The following HSD17B2 variants were observed in gnomAD, a reference collection of about 807,000 sequenced individuals.
HSD17B2 encodes the protein hydroxysteroid 17-beta dehydrogenase 2, also known as 17-beta-hydroxysteroid dehydrogenase type 2.
HSD17B2 carries 32 observed loss-of-function variants against 26.9 expected under a neutral mutation model. The observed-to-expected ratio is 1.19, with a 90% CI of 0.90 to 1.60. The LOEUF (loss-of-function observed/expected upper bound fraction) is 1.60. Ranked by LOEUF, HSD17B2 falls within the 40% of genes most tolerant of loss-of-function variation. The pLI is 0.00. For missense variants in HSD17B2, 613 were observed against 468.6 expected (o/e 1.31, Z -2.85); for synonymous variants, 246 against 186.7 (o/e 1.32, Z -2.59).
chr16:82,050,270 C>T (rs1406232827), intron 1 of HSD17B2, among the ~76,000 whole-genome samples: 1 of 152,090 alleles, frequency 6.6e-6, no homozygotes, highest in African/African-American at 2.4e-5. Flanking sequence ...CACTACCCAG[C>T]ATTCTGTAGT....
rs144145217 is a variant in HSD17B2 at position 82,098,433 on chromosome 16, C to T, written c.1161C>T (p.Thr387=). 2 of 1,593,992 alleles carry T rather than the reference C, an allele frequency of 1.3e-6. No individual in the cohort carries two copies. The highest frequency in any genetic ancestry group is 2.7e-5 in the African/African-American group (2 of 74,116). ...LRMPNYKKKA[T] is the part of the protein sequence containing the mutation. ...TGCCTAACTACAAGAAAAAGGCCAC[C>T]TAGGCAATGGAAGCCCTCAAAGAAG... Residue 387 remains threonine, a synonymous_variant, in exon 5 of 5, where the codon ACC becomes ACT. Transcript: ENST00000199936.
intron 3 of HSD17B2, among the ~76,000 whole-genome samples, chr16:82,072,733 A>G (rs1311252685): frequency 6.6e-6 from 1 of 152,170 alleles, no homozygotes; most frequent in Admixed American, 6.5e-5. Flanking sequence ...AAAAATGGAA[A>G]ATGGATTAAT....
At chr16:82,081,328 C>T (rs1402257519) in intron 3 of HSD17B2, among the ~76,000 whole-genome samples, 1 of 152,142 alleles carries the variant, frequency 6.6e-6, no homozygotes, top group Non-Finnish European at 1.5e-5. Flanking sequence ...GTCACTCATT[C>T]TCCTCTTCAA....
At chr16:82,050,340 C>T (rs942622890) in intron 1 of HSD17B2, among the ~76,000 whole-genome samples, 13 of 151,980 alleles carry the variant, frequency 8.6e-5, no homozygotes, top group Admixed American at 8.5e-4. Flanking sequence ...CTCCCCTGCC[C>T]GCCCATATAC....
intron 3 of HSD17B2, among the ~76,000 whole-genome samples, chr16:82,085,904 G>A (rs139507780): frequency 1.1e-4 from 16 of 151,868 alleles, no homozygotes; most frequent in East Asian, 3.9e-4. Context: ...TAAAATGGCC[G>A]TAATGAAAAA....
intron 1 of HSD17B2, among the ~76,000 whole-genome samples, chr16:82,043,900 G>C (rs1296697139): frequency 2.0e-5 from 3 of 152,062 alleles, no homozygotes; most frequent in Admixed American, 6.6e-5. Flanking sequence ...CTTATAATGA[G>C]CGAACTATTC....
At chr16:82,036,932 C>A (rs1597116838) in intron 1 of HSD17B2, among the ~76,000 whole-genome samples, 1 of 152,212 alleles carries the variant, frequency 6.6e-6, no homozygotes, top group Admixed American at 6.5e-5. Context: ...TGTTATGAAA[C>A]CTTAGGATGA....
intron 1 of HSD17B2, among the ~76,000 whole-genome samples, chr16:82,041,310 CGTTA>C (rs1417332713): frequency 8.5e-5 from 13 of 152,292 alleles, no homozygotes; most frequent in African/African-American, 1.7e-4. Flanking sequence ...TTTTCATGGT[CGTTA>C]GTTGGACACA....
intron 1 of HSD17B2, among the ~76,000 whole-genome samples, chr16:82,042,379 C>A (rs1913791354): frequency 6.6e-6 from 1 of 152,202 alleles, no homozygotes; most frequent in African/African-American, 2.4e-5. Flanking sequence ...AGGCGTGAGC[C>A]AGAACTATCG....
chr16:82,062,295 G>C (rs1008684849), intron 1 of HSD17B2, among the ~76,000 whole-genome samples: 13 of 152,190 alleles, frequency 8.5e-5, no homozygotes, highest in African/African-American at 2.9e-4. Context: ...GGCTGCTAGA[G>C]ACAGAATGAT....
intron 1 of HSD17B2, chr16:82,056,365 C>T (rs915086477): frequency 2.0e-5 from 3 of 152,266 alleles, no homozygotes; most frequent in African/African-American, 7.2e-5. Flanking sequence ...TGTTACTTTA[C>T]TTGTAGCAAT....
intron 1 of HSD17B2, among the ~76,000 whole-genome samples, chr16:82,064,652 T>A (rs1914528919): frequency 6.6e-6 from 1 of 152,210 alleles, no homozygotes; most frequent in Non-Finnish European, 1.5e-5. Context: ...ACACTAAAAC[T>A]AACTCGAGAA....
rs1327913810 is a variant in HSD17B2, at chr16:82,072,761, G to C, written c.664+1634G>C. 3.3e-5 allele frequency among the ~76,000 whole-genome samples: 5 copies of C among 152,308 alleles called. No individual in the cohort carries two copies. In the East Asian group the frequency reaches 9.6e-4, roughly 29 times the overall value. On this transcript the variant is annotated intron_variant, in intron 3 of 4. Coordinates refer to ENST00000199936, the MANE Select transcript of HSD17B2 (RefSeq NM_002153.3). ...GGATTAATGAATGGGTAAGTGAAAA[G>C]CTTACAGTACAAGGCCAGGTGCGGT...
intron 1 of HSD17B2, 26 bp from the exon 2 acceptor site, chr16:82,068,144 C>G (rs1335417726): frequency 6.2e-7 from 1 of 1,603,032 alleles, no homozygotes; most frequent in Non-Finnish European, 8.5e-7. Flanking sequence ...TTTGACCTCA[C>G]TCCCTACTCC....
intron 3 of HSD17B2, among the ~76,000 whole-genome samples, chr16:82,077,302 C>G (rs150240255): frequency 3.3e-4 from 50 of 152,246 alleles, no homozygotes; most frequent in African/African-American, 1.2e-3. Flanking sequence ...CAGCATGGTA[C>G]CAGCATGAAA....
intron 2 of HSD17B2, among the ~76,000 whole-genome samples, chr16:82,068,715 A>G (rs1914630811): frequency 6.6e-6 from 1 of 152,130 alleles, no homozygotes; most frequent in Non-Finnish European, 1.5e-5. Context: ...AGCTTCGAAA[A>G]AAAATACCTT....
At chr16:82,042,547 G>A (rs1433102722) in intron 1 of HSD17B2, among the ~76,000 whole-genome samples, 1 of 152,156 alleles carries the variant, frequency 6.6e-6, no homozygotes, top group Non-Finnish European at 1.5e-5. Flanking sequence ...AGAAAATTGT[G>A]GATCTTTGTG....
intron 3 of HSD17B2, among the ~76,000 whole-genome samples, chr16:82,080,760 TG>T (rs1904357038): frequency 6.6e-6 from 1 of 152,192 alleles, no homozygotes; most frequent in East Asian, 1.9e-4. Flanking sequence ...CCCAATCTCA[TG>T]TAATTCAGGT....
At chr16:82,086,915 A>G (rs1412181120) in intron 3 of HSD17B2, among the ~76,000 whole-genome samples, 1 of 152,212 alleles carries the variant, frequency 6.6e-6, no homozygotes, top group Non-Finnish European at 1.5e-5. Context: ...GTGTCCTCAC[A>G]TAGCCCTTCC....
Sources: allele counts gnomAD v4.1 joint callset (sites outside exome capture counted in the v4.1 genomes callset), GRCh38; gene constraint gnomAD v4.1.1; transcripts MANE v1.5; gene names NCBI Gene and HGNC (gene_info 2026-07-23, HGNC 2026-07-21).